The following TMEM108 variants were observed in gnomAD, a reference collection of about 807,000 sequenced individuals.
TMEM108 encodes the protein transmembrane protein 108.
Under a neutral mutation model 35.1 loss-of-function variants are expected in TMEM108, and 12 were observed. That is an observed-to-expected ratio of 0.34 (90% confidence interval 0.22 to 0.55). The LOEUF is 0.55. TMEM108 is among the 20% of genes least tolerant of loss of function. The pLI, the probability that TMEM108 is intolerant of heterozygous loss-of-function variation, is 0.89. For missense variants in TMEM108, 680 were observed against 753.3 expected (o/e 0.90, Z 1.14); for synonymous variants, 287 against 308.6 (o/e 0.93, Z 0.73).
At chr3:133,321,189 G>T (rs532300920) in intron 3 of TMEM108, among the ~76,000 whole-genome samples, 3 of 151,972 alleles carry the variant, frequency 2.0e-5, no homozygotes, top group African/African-American at 7.3e-5. Flanking sequence ...AATGTAAAAT[G>T]GATTAAATGT....
At chr3:133,118,862 G>A (rs529510785) in intron 2 of TMEM108, among the ~76,000 whole-genome samples, 1 of 152,160 alleles carries the variant, frequency 6.6e-6, no homozygotes, top group East Asian at 1.9e-4. Context: ...TGTAGTGTGG[G>A]GACATCACCA....
chr3:133,334,653 G>A (rs886199833), intron 3 of TMEM108, among the ~76,000 whole-genome samples: 4 of 152,248 alleles, frequency 2.6e-5, no homozygotes, highest in South Asian at 2.1e-4. Context: ...TCTGACACAC[G>A]CTTTCAAGTC....
intron 2 of TMEM108, among the ~76,000 whole-genome samples, chr3:133,118,515 C>T: frequency 6.6e-6 from 1 of 152,140 alleles, no homozygotes; most frequent in East Asian, 1.9e-4. Flanking sequence ...CTCATTTATC[C>T]TTACAAGCCT....
At chr3:133,368,785 A>G (rs1338834549) in intron 3 of TMEM108, among the ~76,000 whole-genome samples, 1 of 152,204 alleles carries the variant, frequency 6.6e-6, no homozygotes, top group African/African-American at 2.4e-5. Context: ...TTATTCTTTC[A>G]TTCTCACATG....
chr3:133,288,439 A>T (rs1947015380), intron 3 of TMEM108, among the ~76,000 whole-genome samples: 1 of 152,216 alleles, frequency 6.6e-6, no homozygotes, highest in African/African-American at 2.4e-5. Context: ...TTTAAATCGG[A>T]TGCCTTTAGA....
In TMEM108 at chr3:133,397,510, G is replaced by A. The variant is rs982229909; in HGVS notation, c.*1524G>A. 6.6e-6 allele frequency: 1 copy of A among 151,886 alleles called. No individual in the cohort carries two copies. The highest frequency in any genetic ancestry group is 1.5e-5 in the Non-Finnish European group (1 of 67,978). 9.4% of individuals were successfully genotyped at this position (151,886 alleles called of 1,614,324 possible). A position where few individuals can be genotyped will look rare whatever the true frequency, so the allele number is the denominator to read the frequency against. On this transcript the variant is annotated 3_prime_UTR_variant, in exon 6 of 6. Transcript: ENST00000321871. ...TCAACCCACAAAGAAGCAACTAAATGTTTCTCTAAGTTTAATTTTCTAGCG... is the reference window on the plus strand; with the variant it reads ...TCAACCCACAAAGAAGCAACTAAATATTTCTCTAAGTTTAATTTTCTAGCG...
chr3:133,128,759 A>G (rs991926516), intron 2 of TMEM108, among the ~76,000 whole-genome samples: 1 of 152,180 alleles, frequency 6.6e-6, no homozygotes, highest in Admixed American at 6.5e-5. Flanking sequence ...TTACTTCCTA[A>G]GATCCCACAG....
chr3:133,046,989 C>T (rs1943347708), intron 2 of TMEM108, among the ~76,000 whole-genome samples: 2 of 152,120 alleles, frequency 1.3e-5, no homozygotes, highest in South Asian at 4.2e-4. Context: ...TTCGGGGCCT[C>T]ATGTGGCTCA....
chr3:133,170,048 AC>A (rs1390800893), intron 2 of TMEM108, among the ~76,000 whole-genome samples: 1 of 152,212 alleles, frequency 6.6e-6, no homozygotes, highest in Admixed American at 6.5e-5. Flanking sequence ...GATAACTTTT[AC>A]ACCACAGCTT....
chr3:133,139,973 T>A (rs561719904), intron 2 of TMEM108, among the ~76,000 whole-genome samples: 1 of 152,280 alleles, frequency 6.6e-6, no homozygotes, highest in South Asian at 2.1e-4. Context: ...GCCTAAGGTG[T>A]GAGGGGGAAG....
chr3:133,067,526 C>A (rs77384016), intron 2 of TMEM108, among the ~76,000 whole-genome samples: 4,204 of 152,250 alleles, frequency 0.028, 104 homozygotes, highest in South Asian at 0.061. Context: ...GAATGTTCAT[C>A]TGCTACTACT....
At chr3:133,091,044 A>G (rs917219764) in intron 2 of TMEM108, among the ~76,000 whole-genome samples, 2 of 152,184 alleles carry the variant, frequency 1.3e-5, no homozygotes, top group Non-Finnish European at 2.9e-5. Flanking sequence ...TTTAATAAAC[A>G]TTGCCAGAAT....
intron 3 of TMEM108, among the ~76,000 whole-genome samples, chr3:133,326,211 T>G (rs1313275801): frequency 2.0e-5 from 3 of 152,214 alleles, no homozygotes; most frequent in African/African-American, 7.2e-5. Context: ...GGGGCAAGCC[T>G]GGGCACACAC....
chr3:133,094,249 C>T (rs1292350643), intron 2 of TMEM108, among the ~76,000 whole-genome samples: 3 of 127,626 alleles, frequency 2.4e-5, no homozygotes, highest in Non-Finnish European at 4.8e-5. Flanking sequence ...CCCACACACA[C>T]GAGATGCTGC....
Position 133,396,056 on chromosome 3 carries a change from T to C in TMEM108, c.*70T>C. 1 of 1,107,720 alleles carries C rather than the reference T, an allele frequency of 9.0e-7. No homozygotes were observed. The allele number at this position is 1,107,720 out of a possible 1,614,324, so 68.6% of individuals were successfully genotyped here. ...ATTATAAATATACAAATACATATAT[T>C]ATAAATATAACCTTTGTGTAACCCT... On this transcript the variant is annotated 3_prime_UTR_variant, in exon 6 of 6. Coordinates refer to ENST00000321871, the MANE Select transcript of TMEM108 (RefSeq NM_023943.4).
chr3:133,091,364 CA>C (rs1353292712), intron 2 of TMEM108, among the ~76,000 whole-genome samples: 1 of 152,130 alleles, frequency 6.6e-6, no homozygotes, highest in East Asian at 1.9e-4. Flanking sequence ...TAACTAACCA[CA>C]AACCAGGCCA....
intron 3 of TMEM108, among the ~76,000 whole-genome samples, chr3:133,293,015 G>A (rs1461590006): frequency 1.3e-5 from 2 of 152,176 alleles, no homozygotes; most frequent in Non-Finnish European, 2.9e-5. Context: ...TGAGAGAAAA[G>A]AGTAACATTC....
intron 2 of TMEM108, among the ~76,000 whole-genome samples, chr3:133,135,016 ATCTC>A (rs1319719851): frequency 2.0e-5 from 3 of 152,098 alleles, no homozygotes; most frequent in African/African-American, 7.2e-5. Context: ...TCAAAGACAT[ATCTC>A]TCTGGCTTTT....
rs551937546 is a variant in TMEM108 at position 133,142,055 on chromosome 3, A to C, written c.-46-87211A>C. On this transcript the variant is annotated intron_variant, in intron 2 of 5. Coordinates refer to ENST00000321871, the MANE Select transcript of TMEM108 (RefSeq NM_023943.4). ...TCTCAACCCACCAGATCTCAGTAGC[A>C]CTCCCCTTCCCCATCATGACAACCA... Among the ~76,000 whole-genome samples the C allele has an allele frequency of 1.7e-4, 26 of 151,838 alleles. 1 individual carries two copies. Among genetic ancestry groups the C allele is most frequent in the Middle Eastern group, 6.8e-3 (2 of 294 alleles).
Sources: gnomAD v4.1 joint callset for allele counts (sites outside exome capture counted in the v4.1 genomes callset) on GRCh38, gnomAD v4.1.1 for gene constraint, MANE v1.5 for transcripts, NCBI Gene and HGNC (gene_info 2026-07-23, HGNC 2026-07-21) for gene names.